The following AUTS2 variants were observed in gnomAD, a reference collection of about 807,000 sequenced individuals.
AUTS2 encodes activator of transcription and developmental regulator AUTS2, also known as autism susceptibility gene 2 protein.
AUTS2 carries 17 observed loss-of-function variants against 112.4 expected under a neutral mutation model. The observed-to-expected ratio is 0.15, with a 90% CI of 0.10 to 0.23. The LOEUF (loss-of-function observed/expected upper bound fraction) is 0.23, where lower values mean the gene tolerates loss of function less well. Ranked by LOEUF, AUTS2 falls within the 10% of genes least tolerant of loss-of-function variation. The pLI, the probability that AUTS2 is intolerant of heterozygous loss-of-function variation, is 1.00. For synonymous variants in AUTS2, 751 were observed against 702.7 expected, an observed-to-expected ratio of 1.07 and a Z score of -1.09; for missense variants, 1,510 against 1,701.6, an observed-to-expected ratio of 0.89 and a Z score of 1.98.
intron 5 of AUTS2, among the ~76,000 whole-genome samples, chr7:70,502,378 C>T (rs1798804138): frequency 1.3e-5 from 2 of 152,184 alleles, no homozygotes. Context: ...CACTTTAAGG[C>T]TGCCAGTTGT....
chr7:70,010,604 G>T (rs1229075110), intron 2 of AUTS2, among the ~76,000 whole-genome samples: 2 of 152,196 alleles, frequency 1.3e-5, no homozygotes, highest in South Asian at 4.1e-4. Flanking sequence ...AGACATAAGA[G>T]TGTGAACAAG....
intron 1 of AUTS2, among the ~76,000 whole-genome samples, chr7:69,697,853 C>A (rs566343268): frequency 7.9e-5 from 12 of 152,174 alleles, no homozygotes; most frequent in Non-Finnish European, 1.2e-4. Flanking sequence ...TCATGAGGTA[C>A]CATGGGAACT....
chr7:69,790,298 A>C (rs1015414472), intron 1 of AUTS2, among the ~76,000 whole-genome samples: 16 of 152,118 alleles, frequency 1.1e-4, no homozygotes, highest in African/African-American at 3.9e-4. Flanking sequence ...CTCAAAAAAG[A>C]AACATCAGAG....
intron 4 of AUTS2, among the ~76,000 whole-genome samples, chr7:70,242,955 A>G (rs1812701938): frequency 6.6e-6 from 1 of 151,904 alleles, no homozygotes; most frequent in Non-Finnish European, 1.5e-5. Flanking sequence ...TAGTTGCAAA[A>G]CCCGTAGGCC....
In AUTS2 at chr7:69,733,837, T is replaced by G. The variant is rs1395822485; in HGVS notation, c.309+133875T>G. Among the ~76,000 whole-genome samples the G allele has an allele frequency of 2.0e-5, 3 of 152,296 alleles. No individual in the cohort carries two copies. In the South Asian group the frequency reaches 6.2e-4, roughly 32 times the overall value. The stretch of plus-strand genomic sequence containing the variant: ...CACACTTCCTTATCTTCTTTGAGGT[T>G]TTTTAATAGCAAATCCCAAGCCACT... On this transcript the variant is annotated intron_variant, in intron 1 of 18. Coordinates refer to ENST00000342771, the MANE Select transcript of AUTS2 (RefSeq NM_015570.4).
At chr7:70,400,948 A>G (rs1794301751) in intron 4 of AUTS2, among the ~76,000 whole-genome samples, 1 of 152,158 alleles carries the variant, frequency 6.6e-6, no homozygotes, top group Admixed American at 6.5e-5. Flanking sequence ...AGCGTACAAG[A>G]TGGATTGGAG....
rs549495075 is a variant in AUTS2 at position 70,639,507 on chromosome 7, T to TG, written c.691-59055dup. Among the ~76,000 whole-genome samples the TG allele has an allele frequency of 7.8e-3, 1,110 of 142,544 alleles. 3 individuals are homozygous for TG. Among genetic ancestry groups the TG allele is most frequent in the Non-Finnish European group, 0.012 (813 of 66,718 alleles). The allele number at this position is 142,544 out of a possible 152,430, so 93.5% of individuals were successfully genotyped here. A position where few individuals can be genotyped will look rare whatever the true frequency, so the allele number is the denominator to read the frequency against. On this transcript the variant is annotated intron_variant, in intron 5 of 18. Coordinates refer to ENST00000342771, the MANE Select transcript of AUTS2 (RefSeq NM_015570.4). ...GGTGCGTGCCTGTGGTCTCAGCTACTGGGGGGGTGGTGAGGCAGGAGGATT... is the reference window on the plus strand; with the variant it reads ...GGTGCGTGCCTGTGGTCTCAGCTACTGGGGGGGGTGGTGAGGCAGGAGGATT...
At chr7:69,924,512 T>G (rs1795929056) in intron 2 of AUTS2, among the ~76,000 whole-genome samples, 1 of 151,898 alleles carries the variant, frequency 6.6e-6, no homozygotes, top group South Asian at 2.1e-4. Flanking sequence ...TTGTTATTAT[T>G]TCTTTTGTCT....
At position 70,302,190 on chromosome 7, in the gene AUTS2, C is replaced by T. The variant is rs577158748; in HGVS notation, c.661-133562C>T. Among the ~76,000 whole-genome samples, 232 of 152,192 alleles carry T rather than the reference C, an allele frequency of 1.5e-3. 1 individual carries two copies. Among genetic ancestry groups the T allele is most frequent in the African/African-American group, 4.6e-3 (193 of 41,546 alleles). On this transcript the variant is annotated intron_variant, in intron 4 of 18. Coordinates refer to ENST00000342771, the MANE Select transcript of AUTS2 (RefSeq NM_015570.4). ...CTTTGGGAGGCCAACGTGGGAGGAT[C>T]GCTTGAGCTGAGGAGTTCGAGACTA...
intron 5 of AUTS2, among the ~76,000 whole-genome samples, chr7:70,615,998 G>A (rs759224537): frequency 1.5e-4 from 23 of 152,218 alleles, no homozygotes; most frequent in East Asian, 1.9e-4. Context: ...GCCCACCCTG[G>A]CCTCCCAAAT....
At chr7:70,264,060 T>G (rs1443244307) in intron 4 of AUTS2, among the ~76,000 whole-genome samples, 1 of 152,216 alleles carries the variant, frequency 6.6e-6, no homozygotes, top group African/African-American at 2.4e-5. Flanking sequence ...TTTGATCCAA[T>G]TGGCAATGCT....
rs143158796 is a variant in AUTS2 at position 69,934,269 on chromosome 7, A to G, written c.522+34771A>G. Reference sequence around the variant, plus strand: ...TGCTCTTCCCAAAGGAGTTTCTACAATGCAGCTGAGTTAGAGTGCAGTAGA... The same window carrying G: ...TGCTCTTCCCAAAGGAGTTTCTACAGTGCAGCTGAGTTAGAGTGCAGTAGA... On this transcript the variant is annotated intron_variant, in intron 2 of 18. Transcript: ENST00000342771. Among the ~76,000 whole-genome samples, 210 of 152,286 alleles carry G rather than the reference A, an allele frequency of 1.4e-3. 3 individuals carry two copies. The highest frequency in any genetic ancestry group is 0.012 in the Admixed American group (180 of 15,302).
intron 2 of AUTS2, among the ~76,000 whole-genome samples, chr7:70,034,402 C>T (rs555440135): frequency 1.3e-5 from 2 of 152,052 alleles, no homozygotes; most frequent in African/African-American, 2.4e-5. Flanking sequence ...TGCATTGCAC[C>T]TACTAGAATG....
chr7:70,330,255 T>A (rs1379634093), intron 4 of AUTS2, among the ~76,000 whole-genome samples: 1 of 152,260 alleles, frequency 6.6e-6, no homozygotes, highest in African/African-American at 2.4e-5. Flanking sequence ...TTTTATGGCT[T>A]TAGTTTTTAT....
At chr7:70,215,443 C>G (rs1380773617) in intron 4 of AUTS2, among the ~76,000 whole-genome samples, 2 of 152,128 alleles carry the variant, frequency 1.3e-5, no homozygotes, top group Non-Finnish European at 2.9e-5. Context: ...AGATTTTATT[C>G]TAAGGTCAGT....
chr7:70,517,834 C>CATATATACATACATAATTTGTATATACA (rs1799481653), intron 5 of AUTS2, among the ~76,000 whole-genome samples: 1 of 151,600 alleles, frequency 6.6e-6, no homozygotes, highest in Non-Finnish European at 1.5e-5. Flanking sequence ...TTGTATATAC[C>CATATATACATACATAATTTGTATATACA]CACACACACA....
At chr7:70,721,992 T>G (rs1012885432) in intron 6 of AUTS2, among the ~76,000 whole-genome samples, 3 of 152,206 alleles carry the variant, frequency 2.0e-5, no homozygotes, top group South Asian at 4.1e-4. Flanking sequence ...TATTGAACTT[T>G]CCTTGCTTGT....
chr7:70,314,330 A>T (rs1330424241), intron 4 of AUTS2, among the ~76,000 whole-genome samples: 1 of 152,222 alleles, frequency 6.6e-6, no homozygotes, highest in Non-Finnish European at 1.5e-5. Flanking sequence ...TCTTCTCTGG[A>T]GAGGAGTAAT....
At chr7:70,702,357 C>G (rs1279028143) in intron 6 of AUTS2, among the ~76,000 whole-genome samples, 1 of 152,164 alleles carries the variant, frequency 6.6e-6, no homozygotes, top group Admixed American at 6.5e-5. Flanking sequence ...TCAGAGCCCT[C>G]CTTCCCAGGA....
Sources: allele counts gnomAD v4.1 joint callset (sites outside exome capture counted in the v4.1 genomes callset), GRCh38; gene constraint gnomAD v4.1.1; transcripts MANE v1.5; gene names NCBI Gene and HGNC (gene_info 2026-07-23, HGNC 2026-07-21).